Variants in ZXDC observed in about 807,000 individuals in gnomAD.
ZXDC encodes zinc finger protein ZXDC.
Under a neutral mutation model 63.6 loss-of-function variants are expected in ZXDC, and 58 were observed. That is an observed-to-expected ratio of 0.91 (90% confidence interval 0.74 to 1.13). The LOEUF (loss-of-function observed/expected upper bound fraction) is 1.13. ZXDC is among the 50% of genes most tolerant of loss of function. The pLI is 0.00. For missense variants in ZXDC, 1,133 were observed against 1,148.9 expected (o/e 0.99, Z 0.20); for synonymous variants, 561 against 496.1 (o/e 1.13, Z -1.74).
intron 7 of ZXDC, among the ~76,000 whole-genome samples, chr3:126,449,470 G>C (rs966469058): frequency 1.3e-5 from 2 of 152,200 alleles, no homozygotes. Context: ...TTTCACAGAA[G>C]GGGATGCTAA....
chr3:126,448,973 CGGGGCA>C (rs1169622248), intron 7 of ZXDC, among the ~76,000 whole-genome samples: 2 of 152,144 alleles, frequency 1.3e-5, no homozygotes, highest in African/African-American at 4.8e-5. Context: ...GGAGACGGGA[CGGGGCA>C]GCACGCAGGC....
intron 7 of ZXDC, among the ~76,000 whole-genome samples, chr3:126,444,368 T>TA (rs1933799730): frequency 6.6e-6 from 1 of 152,042 alleles, no homozygotes; most frequent in South Asian, 2.1e-4. Context: ...TCGTCTCTAC[T>TA]AAAAATACAA....
chr3:126,443,955 G>A lies in ZXDC; in HGVS notation c.2213-2009C>T, dbSNP rs1933777826. Among the ~76,000 whole-genome samples the A allele has an allele frequency of 2.6e-5, 4 of 152,178 alleles. No homozygotes were observed. In the South Asian group the frequency reaches 8.3e-4, roughly 31 times the overall value. Reference sequence around the variant, plus strand: ...GACTGACTGGTGGTTTTCTTCCCCAGTTAGTTCATGTATTTGTGTCTAAAT... The same window carrying A: ...GACTGACTGGTGGTTTTCTTCCCCAATTAGTTCATGTATTTGTGTCTAAAT... On this transcript the variant is annotated intron_variant, in intron 7 of 9. Transcript: ENST00000389709.
chr3:126,471,081 T>C, intron 3 of ZXDC, 56 bp from the exon 4 acceptor site: 1 of 1,573,746 alleles, frequency 6.4e-7, no homozygotes, highest in Non-Finnish European at 8.7e-7. Flanking sequence ...ACCATAATTC[T>C]TTAAAATTCT....
intron 7 of ZXDC, chr3:126,455,036 T>C: frequency 1.0e-6 from 1 of 985,428 alleles, no homozygotes; most frequent in Non-Finnish European, 1.2e-6. Context: ...TCTTGACTGT[T>C]TCTAAATGAC....
intron 6 of ZXDC, chr3:126,460,591 C>T: frequency 1.0e-5 from 10 of 985,444 alleles, no homozygotes; most frequent in Non-Finnish European, 1.2e-5. Context: ...TTGTCTCTGA[C>T]CTGTGGCCAC....
At chr3:126,466,017 C>T in intron 5 of ZXDC, 138 bp downstream of exon 5, 1 of 948,188 alleles carries the variant, frequency 1.1e-6, no homozygotes, top group Non-Finnish European at 1.6e-6. Context: ...GCAAAAGAGG[C>T]CACTTGGCTT....
chr3:126,471,660 T>C (rs763618563), intron 3 of ZXDC, among the ~76,000 whole-genome samples: 2 of 152,002 alleles, frequency 1.3e-5, no homozygotes, highest in African/African-American at 4.8e-5. Flanking sequence ...CCATGAAAAC[T>C]TGTAATTACA....
At chr3:126,466,683 C>T (rs1228809458) in intron 4 of ZXDC, among the ~76,000 whole-genome samples, 2 of 152,198 alleles carry the variant, frequency 1.3e-5, no homozygotes, top group East Asian at 3.8e-4. Flanking sequence ...TTATTCTAGT[C>T]ATCTCGATTA....
At chr3:126,462,311 C>T (rs549538052) in intron 5 of ZXDC, 91 bp from the exon 6 acceptor site, 2 of 1,480,544 alleles carry the variant, frequency 1.4e-6, no homozygotes, top group South Asian at 2.8e-5. Context: ...AGTGATGCCC[C>T]AAGGAAGCAC....
intron 7 of ZXDC, among the ~76,000 whole-genome samples, chr3:126,449,272 G>C (rs1057238564): frequency 6.6e-6 from 1 of 152,154 alleles, no homozygotes; most frequent in Non-Finnish European, 1.5e-5. Context: ...TGTTGCCCAG[G>C]CTGGACTTTA....
chr3:126,464,218 T>C (rs1481761757), intron 5 of ZXDC, among the ~76,000 whole-genome samples: 2 of 152,240 alleles, frequency 1.3e-5, no homozygotes, highest in Non-Finnish European at 2.9e-5. Context: ...AAGGGCCAGA[T>C]ATTAACACAA....
At chr3:126,439,213 T>G (rs953685995) in intron 9 of ZXDC, among the ~76,000 whole-genome samples, 9 of 152,258 alleles carry the variant, frequency 5.9e-5, no homozygotes, top group Admixed American at 1.3e-4. Flanking sequence ...CTGTTAGAAA[T>G]GTGATAAGCT....
rs1487841905 is a variant in ZXDC, at chr3:126,438,049, T to C, written c.*326A>G. ...CTACCCTATTTCCTGCAGAAGTCTT[T>C]TTCTTTGTAATGCAACAAGTGCTAC... On this transcript the variant is annotated 3_prime_UTR_variant, in exon 10 of 10. Transcript: ENST00000389709. 3 of 329,168 alleles carry C rather than the reference T, an allele frequency of 9.1e-6. No homozygotes were observed. The highest frequency in any genetic ancestry group is 1.7e-5 in the Non-Finnish European group (3 of 177,132). The allele number at this position is 329,168 out of a possible 1,614,324, so 20.4% of individuals were successfully genotyped here.
intron 7 of ZXDC, chr3:126,458,566 G>A (rs1934401728): frequency 2.0e-6 from 2 of 983,908 alleles, no homozygotes. Flanking sequence ...AGATAATGCT[G>A]AAATATTTAC....
intron 6 of ZXDC, chr3:126,460,343 G>C (rs1359814931): frequency 1.7e-6 from 1 of 572,854 alleles, no homozygotes; most frequent in Non-Finnish European, 2.2e-6. Context: ...GCTATGAAGA[G>C]AAAAAGAGCA....
In ZXDC at chr3:126,475,495, G is replaced by T; in HGVS notation, c.371C>A (p.Ala124Asp). The T allele has an allele frequency of 8.1e-7, 1 of 1,230,784 alleles. No individual in the cohort carries two copies. The highest frequency in any genetic ancestry group is 3.4e-5 in the East Asian group (1 of 29,102). 76.2% of individuals were successfully genotyped at this position (1,230,784 alleles called of 1,614,324 possible). A position where few individuals can be genotyped will look rare whatever the true frequency, so the allele number is the denominator to read the frequency against. The change falls in exon 1 of 10, where the codon GCC becomes GAC. Residue 124 changes from alanine to aspartate, a missense_variant. Physicochemically the swap from Ala to Asp is moderately radical, Grantham distance 126. Coordinates refer to ENST00000389709, the MANE Select transcript of ZXDC (RefSeq NM_025112.5). The stretch of plus-strand genomic sequence containing the variant: ...GCTGATGGTGACGGCGCCCGCCGGG[G>T]CTACGCCAGGGCCGGGGGGGGCGGC... ...GPAAPPGPGV[A>D]PAGAVTISSQ...
At chr3:126,451,957 G>GC (rs1231402693) in intron 7 of ZXDC, 1 of 985,238 alleles carries the variant, frequency 1.0e-6, no homozygotes, top group Admixed American at 6.1e-5. Flanking sequence ...AGGGCAGGCT[G>GC]CCCCCACAGC....
At chr3:126,443,864 A>T (rs1465181265) in intron 7 of ZXDC, among the ~76,000 whole-genome samples, 2 of 152,200 alleles carry the variant, frequency 1.3e-5, no homozygotes, top group Admixed American at 1.3e-4. Flanking sequence ...ATATATCAGA[A>T]ACTTTGATAG....
Sources: allele counts gnomAD v4.1 joint callset (sites outside exome capture counted in the v4.1 genomes callset), GRCh38; gene constraint gnomAD v4.1.1; transcripts MANE v1.5; gene names NCBI Gene and HGNC (gene_info 2026-07-23, HGNC 2026-07-21).